SHOC2: variants seen among roughly 807,000 people sequenced by gnomAD.
The protein encoded by SHOC2 is leucine-rich repeat protein SHOC-2.
SHOC2 carries 4 observed loss-of-function variants against 50.2 expected under a neutral mutation model. The ratio of observed to expected loss-of-function variants is 0.08; its 90% CI spans 0.04 to 0.18. The LOEUF is 0.18. Among genes scored for constraint, SHOC2 ranks in the 10% least tolerant of loss-of-function variants. The pLI, the probability that SHOC2 is intolerant of heterozygous loss-of-function variation, is 1.00. For missense variants in SHOC2, 388 were observed against 669.6 expected (o/e 0.58, Z 4.64); for synonymous variants, 218 against 244.5 (o/e 0.89, Z 1.01).
At chr10:110,982,902 G>A (rs1026091228) in intron 2 of SHOC2, among the ~76,000 whole-genome samples, 3 of 151,980 alleles carry the variant, frequency 2.0e-5, no homozygotes, top group South Asian at 4.1e-4. Context: ...GCATAAAATC[G>A]GTGTTAATTC....
chr10:110,922,646 T>C (rs759858086), intron 1 of SHOC2, among the ~76,000 whole-genome samples: 2 of 152,012 alleles, frequency 1.3e-5, no homozygotes, highest in Non-Finnish European at 2.9e-5. Flanking sequence ...TTAAGATTAA[T>C]GCTTATAACA....
intron 3 of SHOC2, chr10:110,988,954 G>A (rs1848131561): frequency 1.9e-6 from 1 of 516,178 alleles, no homozygotes; most frequent in African/African-American, 1.9e-5. Flanking sequence ...AGCAATCGCG[G>A]TTTTTGCTAT....
rs1417194283 is a variant in SHOC2 at position 111,011,719 on chromosome 10, C to A, written c.1650C>A (p.Asn550Lys). ...AGCTTTCAATCATGAGTATTGAGAA[C>A]TGTCCACTCAGTCACCTTCCACCTC... is the stretch of plus-strand genomic sequence containing the variant. ...CSKLSIMSIE[N>K]CPLSHLPPQI... The change falls in exon 9 of 9, where the codon AAC becomes AAA. Residue 550 changes from asparagine (N) to lysine (K), a missense_variant. Physicochemically the swap from Asn to Lys is moderately conservative, Grantham distance 94. This residue lies in a region of SHOC2 where 130 missense variants were observed against 208.6 expected (regional missense o/e 0.62). Coordinates refer to ENST00000369452, the MANE Select transcript of SHOC2 (RefSeq NM_007373.4). 1 of 1,613,842 alleles carries A rather than the reference C, an allele frequency of 6.2e-7. No homozygotes were observed. Among genetic ancestry groups the A allele is most frequent in the Non-Finnish European group, 8.5e-7 (1 of 1,179,918 alleles).
chr10:110,993,483 C>T (rs1171349842), intron 3 of SHOC2, among the ~76,000 whole-genome samples: 1 of 152,052 alleles, frequency 6.6e-6, no homozygotes, highest in Non-Finnish European at 1.5e-5. Flanking sequence ...GTGATAGGGC[C>T]TTTGCAAATG....
intron 2 of SHOC2, among the ~76,000 whole-genome samples, chr10:110,970,333 A>G (rs1274287837): frequency 6.6e-6 from 1 of 152,114 alleles, no homozygotes; most frequent in Non-Finnish European, 1.5e-5. Flanking sequence ...ACTTAACATA[A>G]TGTCCTTCAG....
rs76858638 is a variant in SHOC2 at position 110,925,526 on chromosome 10, G to T, written c.-235+5869G>T. ...CTAGAGTGCAGTGGCACAATCATGG[G>T]GCTCATTGCAGCCCTGACCTCCCTG... is the stretch of plus-strand genomic sequence containing the variant. On this transcript the variant is annotated intron_variant, in intron 1 of 8. Coordinates refer to ENST00000369452, the MANE Select transcript of SHOC2 (RefSeq NM_007373.4). 1.3e-3 allele frequency among the ~76,000 whole-genome samples: 205 copies of T among 152,110 alleles called. 3 individuals carry two copies. The East Asian group carries it at 0.036, about 26-fold the overall frequency.
intron 5 of SHOC2, among the ~76,000 whole-genome samples, chr10:111,006,320 G>C (rs181714655): frequency 6.6e-6 from 1 of 152,162 alleles, no homozygotes. Context: ...TTCTTTTATG[G>C]GTCATTTTGT....
intron 2 of SHOC2, among the ~76,000 whole-genome samples, chr10:110,982,910 T>A (rs950506968): frequency 2.6e-5 from 4 of 152,158 alleles, no homozygotes; most frequent in African/African-American, 9.6e-5. Flanking sequence ...TCGGTGTTAA[T>A]TCATTTCTAA....
intron 3 of SHOC2, among the ~76,000 whole-genome samples, chr10:110,993,702 C>T (rs1251490599): frequency 6.6e-6 from 1 of 151,892 alleles, no homozygotes; most frequent in African/African-American, 2.4e-5. Flanking sequence ...TTCTAGGAAC[C>T]TACTCTGGTT....
At chr10:110,954,246 A>C (rs1847414106) in intron 1 of SHOC2, among the ~76,000 whole-genome samples, 1 of 152,128 alleles carries the variant, frequency 6.6e-6, no homozygotes, top group East Asian at 1.9e-4. Context: ...AGAAATTGAA[A>C]TATTTGAATT....
chr10:110,956,539 T>C (rs1009699476), intron 1 of SHOC2, among the ~76,000 whole-genome samples: 1 of 152,212 alleles, frequency 6.6e-6, no homozygotes, highest in Non-Finnish European at 1.5e-5. Context: ...ACTTTGCTGC[T>C]TTTTAAAAAA....
At chr10:110,947,591 T>C (rs1445622451) in intron 1 of SHOC2, among the ~76,000 whole-genome samples, 1 of 152,226 alleles carries the variant, frequency 6.6e-6, no homozygotes, top group East Asian at 1.9e-4. Flanking sequence ...AGTTGTGTCC[T>C]CAATAATGTA....
intron 1 of SHOC2, among the ~76,000 whole-genome samples, chr10:110,932,885 T>C (rs1163197379): frequency 6.6e-6 from 1 of 152,192 alleles, no homozygotes. Context: ...AATATACTTT[T>C]TATATTTATA....
intron 1 of SHOC2, among the ~76,000 whole-genome samples, chr10:110,927,066 C>G (rs1846791935): frequency 6.6e-6 from 1 of 152,184 alleles, no homozygotes; most frequent in East Asian, 1.9e-4. Context: ...ATTGATAAGA[C>G]AAAATAACTA....
intron 2 of SHOC2, among the ~76,000 whole-genome samples, chr10:110,975,974 A>G (rs528076444): frequency 1.4e-4 from 22 of 151,846 alleles, no homozygotes; most frequent in African/African-American, 2.7e-4. Flanking sequence ...GCAATGGCGC[A>G]GTCTTGGCTC....
At chr10:110,949,024 C>T (rs1308997048) in intron 1 of SHOC2, among the ~76,000 whole-genome samples, 1 of 151,846 alleles carries the variant, frequency 6.6e-6, no homozygotes. Flanking sequence ...CATTGTGGCC[C>T]AAAGAAGCCA....
chr10:110,988,861 T>C (rs1848129072), intron 3 of SHOC2: 2 of 456,608 alleles, frequency 4.4e-6, no homozygotes, highest in South Asian at 1.6e-5. Flanking sequence ...AATTCTGATA[T>C]GTTGTATTTT....
At chr10:110,970,386 T>C (rs1285447280) in intron 2 of SHOC2, among the ~76,000 whole-genome samples, 1 of 152,238 alleles carries the variant, frequency 6.6e-6, no homozygotes, top group Non-Finnish European at 1.5e-5. Flanking sequence ...TATTCTTTTT[T>C]TGGCCGAATA....
intron 6 of SHOC2, among the ~76,000 whole-genome samples, chr10:111,008,745 T>C (rs1047638724): frequency 1.3e-5 from 2 of 152,158 alleles, no homozygotes; most frequent in South Asian, 2.1e-4. Context: ...AACCCAGTAT[T>C]GTCTCCTTAC....
Sources: gnomAD v4.1 joint callset for allele counts (sites outside exome capture counted in the v4.1 genomes callset) on GRCh38, gnomAD v4.1.1 for gene constraint, gnomAD v4.1.1 regional missense constraint, MANE v1.5 for transcripts, NCBI Gene and HGNC (gene_info 2026-07-23, HGNC 2026-07-21) for gene names.